Variants in NXPE2 observed in about 807,000 individuals in gnomAD.
NXPE2 encodes NXPE family member 2.
Under a neutral mutation model 34.4 loss-of-function variants are expected in NXPE2, and 34 were observed. The observed-to-expected ratio is 0.99, with a 90% CI of 0.75 to 1.31. The LOEUF (loss-of-function observed/expected upper bound fraction) is 1.31. Ranked by LOEUF, NXPE2 falls within the 40% of genes most tolerant of loss-of-function variation. The pLI is 0.00. For missense variants in NXPE2, 649 were observed against 672.5 expected, an observed-to-expected ratio of 0.97 and a Z score of 0.39; for synonymous variants, 235 against 231.3, an observed-to-expected ratio of 1.02 and a Z score of -0.15.
the NXPE2 span, among the ~76,000 whole-genome samples, chr11:114,564,150 G>T: frequency 2.0e-5 from 3 of 152,116 alleles, no homozygotes; most frequent in Admixed American, 2.0e-4. Context: ...AATGGCATTC[G>T]CAGCAACCTG....
chr11:114,781,088 T>C, the NXPE2 span, among the ~76,000 whole-genome samples: 1 of 152,170 alleles, frequency 6.6e-6, no homozygotes, highest in Non-Finnish European at 1.5e-5. Context: ...AATAATTCTG[T>C]TCCCTTTTGA....
the NXPE2 span, among the ~76,000 whole-genome samples, chr11:114,635,675 G>C: frequency 5.9e-5 from 9 of 151,830 alleles, no homozygotes; most frequent in African/African-American, 2.2e-4. Flanking sequence ...TTAGCCTGAA[G>C]TATTGTTGAA....
At chr11:114,523,468 T>C in the NXPE2 span, among the ~76,000 whole-genome samples, 1 of 152,228 alleles carries the variant, frequency 6.6e-6, no homozygotes, top group African/African-American at 2.4e-5. Flanking sequence ...TAAAATTCTT[T>C]ACCTTTGTTT....
chr11:114,628,947 A>G, the NXPE2 span, among the ~76,000 whole-genome samples: 1 of 152,046 alleles, frequency 6.6e-6, no homozygotes. Context: ...TCCTCGACAC[A>G]TACACCCTCC....
the NXPE2 span, among the ~76,000 whole-genome samples, chr11:114,477,255 A>G: frequency 6.6e-6 from 1 of 152,304 alleles, no homozygotes; most frequent in Non-Finnish European, 1.5e-5. Flanking sequence ...TACAAATTTC[A>G]GTTAGACAAG....
the NXPE2 span, among the ~76,000 whole-genome samples, chr11:114,754,306 C>G: frequency 2.6e-5 from 4 of 152,024 alleles, no homozygotes; most frequent in Non-Finnish European, 5.9e-5. Context: ...CCTTTTTTTC[C>G]TGACCACCTG....
the NXPE2 span, chr11:114,571,030 C>T: frequency 6.2e-7 from 1 of 1,613,184 alleles, no homozygotes; most frequent in Non-Finnish European, 8.5e-7. Context: ...ATTGTTATAT[C>T]CCAGGCATCA....
chr11:114,810,496 A>T, the NXPE2 span, among the ~76,000 whole-genome samples: 4 of 151,256 alleles, frequency 2.6e-5, no homozygotes, highest in African/African-American at 9.7e-5. Context: ...AATTTACAAG[A>T]AAAAAACAAC....
the NXPE2 span, among the ~76,000 whole-genome samples, chr11:114,620,415 G>A: frequency 6.6e-6 from 1 of 151,958 alleles, no homozygotes; most frequent in Admixed American, 6.6e-5. Context: ...GATAATAAGT[G>A]TTGAGTCATG....
the NXPE2 span, among the ~76,000 whole-genome samples, chr11:114,588,139 C>A: frequency 2.6e-5 from 4 of 152,130 alleles, no homozygotes; most frequent in South Asian, 2.1e-4. Context: ...CTCCAGGGAA[C>A]TATCTGAGGC....
the NXPE2 span, among the ~76,000 whole-genome samples, chr11:114,613,410 T>A: frequency 6.6e-6 from 1 of 151,116 alleles, no homozygotes. Flanking sequence ...GGGTAAGCAC[T>A]GTTACCTGGT....
At chr11:114,649,239 T>A in the NXPE2 span, among the ~76,000 whole-genome samples, 4 of 152,228 alleles carry the variant, frequency 2.6e-5, no homozygotes, top group African/African-American at 9.6e-5. Flanking sequence ...GACCTTAATC[T>A]TAGGGCATGG....
the NXPE2 span, among the ~76,000 whole-genome samples, chr11:114,542,761 G>T: frequency 1.3e-5 from 2 of 151,624 alleles, no homozygotes; most frequent in Non-Finnish European, 2.9e-5. Context: ...AGTAAAGAAG[G>T]GTTATATAAT....
chr11:114,799,792 C>T, the NXPE2 span, among the ~76,000 whole-genome samples: 15,620 of 152,222 alleles, frequency 0.1, 934 homozygotes, highest in Middle Eastern at 0.18. Context: ...GGACAAAGGG[C>T]TCCGGAATGA....
At chr11:114,677,576 C>T (rs562648792), upstream of NXPE2, among the ~76,000 whole-genome samples, 28 of 151,970 alleles carry the variant, frequency 1.8e-4, no homozygotes, top group South Asian at 2.5e-3. Context: ...AATTATCTAC[C>T]GAATCTCTGT....
the NXPE2 span, chr11:114,583,880 G>T: frequency 2.5e-6 from 1 of 393,364 alleles, no homozygotes; most frequent in South Asian, 2.1e-5. Flanking sequence ...AGGAGATGGG[G>T]ACTTATGGGT....
chr11:114,549,736 T>C, the NXPE2 span, among the ~76,000 whole-genome samples: 1 of 152,058 alleles, frequency 6.6e-6, no homozygotes, highest in Admixed American at 6.6e-5. Context: ...CTAATGCAGT[T>C]AGAGAAGAGA....
the NXPE2 span, among the ~76,000 whole-genome samples, chr11:114,633,305 A>T: frequency 1.4e-5 from 2 of 139,472 alleles, no homozygotes; most frequent in Admixed American, 1.5e-4. Context: ...TAATGTAATA[A>T]AATATATAAT....
chr11:114,672,811 C>T, the NXPE2 span, among the ~76,000 whole-genome samples: 16 of 151,204 alleles, frequency 1.1e-4, no homozygotes, highest in Admixed American at 2.6e-4. Flanking sequence ...CATATATAAA[C>T]GAAAACCTAC....
Sources: allele counts gnomAD v4.1 joint callset (sites outside exome capture counted in the v4.1 genomes callset), GRCh38; gene constraint gnomAD v4.1.1; transcripts MANE v1.5; gene names NCBI Gene and HGNC (gene_info 2026-07-23, HGNC 2026-07-21).